FTO: variants seen among roughly 807,000 people sequenced by gnomAD.
FTO encodes FTO alpha-ketoglutarate dependent dioxygenase.
In FTO, 47 loss-of-function variants were observed where a neutral mutation model predicts 63.9. The ratio of observed to expected loss-of-function variants is 0.74; its 90% CI spans 0.58 to 0.94. The LOEUF is 0.94. Ranked by LOEUF, FTO falls within the 40% of genes least tolerant of loss-of-function variation. The pLI is 0.00. For missense variants in FTO, 562 were observed against 618.1 expected, an observed-to-expected ratio of 0.91 and a Z score of 0.96; for synonymous variants, 207 against 224.4, an observed-to-expected ratio of 0.92 and a Z score of 0.69.
At chr16:53,848,001 G>C (rs548008461) in intron 4 of FTO, among the ~76,000 whole-genome samples, 19 of 152,080 alleles carry the variant, frequency 1.2e-4, no homozygotes, top group African/African-American at 4.6e-4. Flanking sequence ...TGATATAGTT[G>C]GTATCCTACT....
At chr16:53,734,848 G>C (rs2076354139) in intron 1 of FTO, among the ~76,000 whole-genome samples, 1 of 152,216 alleles carries the variant, frequency 6.6e-6, no homozygotes, top group Non-Finnish European at 1.5e-5. Context: ...AGATAAAAGA[G>C]AGTTTTTATA....
chr16:53,919,762 C>T (rs1047159585), intron 7 of FTO, among the ~76,000 whole-genome samples: 6 of 152,214 alleles, frequency 3.9e-5, no homozygotes, highest in Admixed American at 3.3e-4. Context: ...CATGTTCTCA[C>T]TCGTAAGTGG....
chr16:53,806,150 C>T (rs1178388872), intron 1 of FTO, among the ~76,000 whole-genome samples: 3 of 152,170 alleles, frequency 2.0e-5, no homozygotes, highest in African/African-American at 7.2e-5. Flanking sequence ...TTCCTCTCCT[C>T]TTTAGTGTGC....
At chr16:53,879,682 T>C (rs115469806) in intron 5 of FTO, among the ~76,000 whole-genome samples, 162 bp from the exon 6 acceptor site, 22 of 111,850 alleles carry the variant, frequency 2.0e-4, no homozygotes, top group African/African-American at 7.9e-4. Context: ...CAAGACCCTA[T>C]CTCAAAATTA....
intron 7 of FTO, among the ~76,000 whole-genome samples, chr16:53,932,590 A>G (rs2082309912): frequency 1.3e-5 from 2 of 152,042 alleles, no homozygotes; most frequent in South Asian, 2.1e-4. Flanking sequence ...GGGTTTTGCC[A>G]TGTTAGGGAG....
At chr16:53,822,204 T>A (rs1006262552) in intron 2 of FTO, among the ~76,000 whole-genome samples, 1 of 152,186 alleles carries the variant, frequency 6.6e-6, no homozygotes, top group Non-Finnish European at 1.5e-5. Context: ...TTAACTTCAT[T>A]GAGAAAGTCA....
At chr16:54,105,351 G>C (rs2086727879) in intron 8 of FTO, among the ~76,000 whole-genome samples, 1 of 152,172 alleles carries the variant, frequency 6.6e-6, no homozygotes, top group Non-Finnish European at 1.5e-5. Flanking sequence ...GGAATGTCCT[G>C]CATATTTAAA....
At chr16:53,883,070 G>C (rs1567395626) in intron 6 of FTO, among the ~76,000 whole-genome samples, 2 of 152,174 alleles carry the variant, frequency 1.3e-5, no homozygotes, top group African/African-American at 2.4e-5. Flanking sequence ...CCCTGAATTA[G>C]AGCAAAGTTA....
chr16:53,915,522 T>C (rs894699882), intron 7 of FTO, among the ~76,000 whole-genome samples: 5 of 152,210 alleles, frequency 3.3e-5, no homozygotes, highest in African/African-American at 1.2e-4. Context: ...AAGAAATGTT[T>C]CTTTTTCTGC....
intron 7 of FTO, among the ~76,000 whole-genome samples, chr16:53,892,834 G>A (rs1388932345): frequency 6.6e-6 from 1 of 152,116 alleles, no homozygotes; most frequent in African/African-American, 2.4e-5. Context: ...GCTGCAAGGT[G>A]TAGTCTCAGG....
chr16:53,732,041 ATTTTTTT>A (rs375814669), intron 1 of FTO, among the ~76,000 whole-genome samples: 9 of 98,620 alleles, frequency 9.1e-5, no homozygotes, highest in Admixed American at 2.4e-4. Flanking sequence ...TTGTGGCCTT[ATTTTTTT>A]TTTTTTTTTT....
At chr16:53,915,684 A>G (rs2081846886) in intron 7 of FTO, among the ~76,000 whole-genome samples, 1 of 152,152 alleles carries the variant, frequency 6.6e-6, no homozygotes, top group Non-Finnish European at 1.5e-5. Flanking sequence ...GTTGTTGCCC[A>G]TTTTTCTAAT....
intron 4 of FTO, among the ~76,000 whole-genome samples, chr16:53,857,440 G>GTCTCTCTCTCTCTCTC (rs147635985): frequency 3.3e-4 from 47 of 142,034 alleles, no homozygotes; most frequent in African/African-American, 1.1e-3. Context: ...TGAGAACCTG[G>GTCTCTCTCTCTCTCTC]TCTCTCTCTC....
rs1401317361 is a variant in FTO, at chr16:54,111,842, C to T, written c.1445C>T (p.Ser482Leu). Reference sequence around the variant, plus strand: ...CCATACTGGGAAAAGGATGATGCTTCGATGCCTCTGCCGTTTGACCTCACA... The same window carrying T: ...CCATACTGGGAAAAGGATGATGCTTTGATGCCTCTGCCGTTTGACCTCACA... ...CRPYWEKDDA[S>L]MPLPFDLTDI... is the part of the protein sequence containing the mutation. Residue 482 changes from serine (S) to leucine (L), a missense_variant, in exon 9 of 9, where the codon TCG (serine) becomes TTG (leucine). Transcript: ENST00000471389. 1.4e-5 allele frequency: 23 copies of T among 1,614,120 alleles called. No individual in the cohort carries two copies. The highest frequency in any genetic ancestry group is 9.9e-5 in the South Asian group (9 of 91,068).
At chr16:53,758,574 C>A (rs1344570952) in intron 1 of FTO, among the ~76,000 whole-genome samples, 1 of 152,168 alleles carries the variant, frequency 6.6e-6, no homozygotes, top group Non-Finnish European at 1.5e-5. Context: ...CACCAGTTGA[C>A]AAACTAAGCT....
chr16:53,851,557 A>G (rs193119252), intron 4 of FTO, among the ~76,000 whole-genome samples: 123 of 152,296 alleles, frequency 8.1e-4, no homozygotes, highest in African/African-American at 2.9e-3. Context: ...TAAAATGTAG[A>G]CATTCTCTTT....
At chr16:53,902,558 C>T (rs527951847) in intron 7 of FTO, among the ~76,000 whole-genome samples, 1 of 152,164 alleles carries the variant, frequency 6.6e-6, no homozygotes, top group African/African-American at 2.4e-5. Context: ...GTGTTTGGAC[C>T]TGGCATATCA....
chr16:54,001,957 TG>T (rs1269449363), intron 8 of FTO, among the ~76,000 whole-genome samples: 3 of 152,194 alleles, frequency 2.0e-5, no homozygotes, highest in African/African-American at 7.2e-5. Flanking sequence ...GGGCTTCCTT[TG>T]GGCCAGATGA....
intron 8 of FTO, among the ~76,000 whole-genome samples, chr16:54,026,338 CAGGT>C (rs1324391490): frequency 6.6e-6 from 1 of 152,142 alleles, no homozygotes; most frequent in East Asian, 1.9e-4. Context: ...ACCTACATTA[CAGGT>C]AGGAAGAAGG....
Sources: gnomAD v4.1 joint callset for allele counts (sites outside exome capture counted in the v4.1 genomes callset) on GRCh38, gnomAD v4.1.1 for gene constraint, MANE v1.5 for transcripts, NCBI Gene and HGNC (gene_info 2026-07-23, HGNC 2026-07-21) for gene names.